The following JCAD variants were observed in gnomAD, a reference collection of about 807,000 sequenced individuals.
JCAD encodes the protein junctional cadherin 5-associated protein.
JCAD carries 40 observed loss-of-function variants against 98.0 expected under a neutral mutation model. The observed-to-expected ratio is 0.41, with a 90% CI of 0.32 to 0.53. The LOEUF is 0.53. Ranked by LOEUF, JCAD falls within the 20% of genes least tolerant of loss-of-function variation. The pLI, the probability that JCAD is intolerant of heterozygous loss-of-function variation, is 0.31. For synonymous variants in JCAD, 691 were observed against 682.3 expected (o/e 1.01, Z -0.20); for missense variants, 1,705 against 1,738.1 (o/e 0.98, Z 0.34).
At chr10:30,085,234 T>C (rs187344419) in intron 1 of JCAD, among the ~76,000 whole-genome samples, 14 of 152,272 alleles carry the variant, frequency 9.2e-5, no homozygotes, top group African/African-American at 2.9e-4. Flanking sequence ...AAGCTTCAAA[T>C]TGGGACATCA....
chr10:30,069,976 C>T (rs1270481157), intron 1 of JCAD, among the ~76,000 whole-genome samples: 1 of 152,072 alleles, frequency 6.6e-6, no homozygotes, highest in African/African-American at 2.4e-5. Context: ...CATTGGTTAG[C>T]CTCTTATGGA....
chr10:30,054,145 AG>A (rs1837522780), intron 1 of JCAD, among the ~76,000 whole-genome samples: 1 of 152,272 alleles, frequency 6.6e-6, no homozygotes, highest in Non-Finnish European at 1.5e-5. Context: ...ACAACAGCAC[AG>A]GGAAATGCTC....
intron 1 of JCAD, among the ~76,000 whole-genome samples, chr10:30,092,126 A>ATATATATATATATATATATATATATAT (rs1491284119): frequency 9.3e-6 from 1 of 107,114 alleles, no homozygotes; most frequent in African/African-American, 4.7e-5. Context: ...ATATATATAT[A>ATATATATATATATATATATATATATAT]AAAAACATTT....
At chr10:30,046,778 C>A (rs1047193257) in intron 2 of JCAD, among the ~76,000 whole-genome samples, 1 of 152,132 alleles carries the variant, frequency 6.6e-6, no homozygotes, top group Admixed American at 6.5e-5. Context: ...GCTGGAACAC[C>A]CTGAATATCA....
upstream of JCAD, among the ~76,000 whole-genome samples, chr10:30,062,267 T>C (rs894606936): frequency 6.6e-6 from 1 of 152,210 alleles, no homozygotes; most frequent in Non-Finnish European, 1.5e-5. Context: ...AATTTCAAGA[T>C]GCTTGTAGTT....
intron 1 of JCAD, among the ~76,000 whole-genome samples, chr10:30,110,895 T>G (rs761053978): frequency 1.3e-5 from 2 of 151,768 alleles, no homozygotes; most frequent in Admixed American, 6.6e-5. Context: ...CCAGCTGATG[T>G]GTGAACATCC....
intron 2 of JCAD, among the ~76,000 whole-genome samples, chr10:30,031,785 T>C (rs561804626): frequency 0.014 from 1,521 of 107,446 alleles, 15 homozygotes; most frequent in African/African-American, 0.036. Flanking sequence ...GACGGAGTCT[T>C]GCTCTGTCGC....
At chr10:30,030,577 C>T (rs1040447141) in intron 2 of JCAD, among the ~76,000 whole-genome samples, 1 of 152,144 alleles carries the variant, frequency 6.6e-6, no homozygotes, top group Non-Finnish European at 1.5e-5. Flanking sequence ...AATCTGGGAA[C>T]CTGCTTTTAA....
rs1837383382 is a variant in JCAD, at chr10:30,047,778, C to A, written c.35G>T (p.Gly12Val). ...YSVEDLLISHGYKLSRDPPAS... is the reference protein window; with the variant it reads ...YSVEDLLISHVYKLSRDPPAS... Reference sequence around the variant, plus strand: ...TGGGGGGTCTCTTGACAGCTTGTATCCATGAGAGATCAGGAGGTCTTCTAC... The same window carrying A: ...TGGGGGGTCTCTTGACAGCTTGTATACATGAGAGATCAGGAGGTCTTCTAC... The change falls in exon 2 of 4, where the codon GGA becomes GTA. Residue 12 changes from glycine (G) to valine (V), a missense_variant. Around this residue, in one of 3 missense-constraint regions of JCAD, gnomAD observed 152 missense variants for 148.0 expected, o/e 1.03. Transcript: ENST00000375377. 1 of 1,613,820 alleles carries A rather than the reference C, an allele frequency of 6.2e-7. No individual in the cohort carries two copies. Among genetic ancestry groups the A allele is most frequent in the Admixed American group, 1.7e-5 (1 of 59,970 alleles).
chr10:30,032,602 G>C (rs1837025373), intron 2 of JCAD, among the ~76,000 whole-genome samples: 1 of 152,150 alleles, frequency 6.6e-6, no homozygotes, highest in East Asian at 1.9e-4. Flanking sequence ...TACAGTAATG[G>C]ATTCATTGTT....
rs1212611479 is a variant in JCAD at position 30,027,290 on chromosome 10, C to T, written c.2858G>A (p.Ser953Asn). Reference sequence around the variant, plus strand: ...AACCTCCAGGTGTCTCTTCTCTGCACTCGTGCTTCCATCTGCTGAGCAGAA... The same window carrying T: ...AACCTCCAGGTGTCTCTTCTCTGCATTCGTGCTTCCATCTGCTGAGCAGAA... ...APFCSADGST[S>N]AEKRHLEVSN... Residue 953 changes from serine to asparagine, a missense_variant, in exon 3 of 4, where the codon AGT becomes AAT. Coordinates refer to ENST00000375377, the MANE Select transcript of JCAD (RefSeq NM_020848.4). 1.2e-6 allele frequency: 2 copies of T among 1,614,200 alleles called. No homozygotes were observed. Among genetic ancestry groups the T allele is most frequent in the Non-Finnish European group, 1.7e-6 (2 of 1,180,054 alleles).
chr10:30,074,795 G>T (rs966509029), intron 1 of JCAD, among the ~76,000 whole-genome samples: 9 of 148,274 alleles, frequency 6.1e-5, no homozygotes, highest in African/African-American at 1.7e-4. Context: ...CTACTGTTTT[G>T]TTTTTTTTTT....
chr10:30,076,890 C>T (rs117631066), intron 1 of JCAD, among the ~76,000 whole-genome samples: 3,377 of 152,182 alleles, frequency 0.022, 44 homozygotes, highest in South Asian at 0.04. Flanking sequence ...AGGGCCGAAT[C>T]GCTCAGGCCC....
intron 3 of JCAD, among the ~76,000 whole-genome samples, chr10:30,025,148 AG>A (rs1836762127): frequency 6.6e-6 from 1 of 152,098 alleles, no homozygotes; most frequent in Non-Finnish European, 1.5e-5. Flanking sequence ...GGAAGAGGGA[AG>A]GGCCCAGCTC....
At chr10:30,060,110 T>TACAC (rs3074761), upstream of JCAD, among the ~76,000 whole-genome samples, 361 of 150,080 alleles carry the variant, frequency 2.4e-3, 3 homozygotes, top group South Asian at 8.9e-3. Context: ...AGTATGGCTA[T>TACAC]ACACACACAC....
chr10:30,082,893 G>C (rs1457185621), intron 1 of JCAD, among the ~76,000 whole-genome samples: 2 of 150,480 alleles, frequency 1.3e-5, no homozygotes, highest in African/African-American at 4.9e-5. Flanking sequence ...AATTAGCTGG[G>C]TGTGGTGGCA....
chr10:30,101,987 G>T (rs1469466245), intron 1 of JCAD, among the ~76,000 whole-genome samples: 1 of 152,080 alleles, frequency 6.6e-6, no homozygotes. Context: ...TGTGGTCTTT[G>T]CCTGGGAAAT....
Position 30,026,907 on chromosome 10 carries a change from A to T in JCAD, c.3241T>A (p.Ser1081Thr). The change falls in exon 3 of 4, where the codon TCC (serine) becomes ACC (threonine). Residue 1081 changes from serine to threonine, a missense_variant. By Grantham distance (58) the Ser-to-Thr change is moderately conservative. Around this residue, in one of 3 missense-constraint regions of JCAD, gnomAD observed 1,278 missense variants for 1,243.1 expected, o/e 1.03. Transcript: ENST00000375377. ...ASTIEIPPGE[S>T]LQARAARILG... The stretch of plus-strand genomic sequence containing the variant: ...ATCCTTGCAGCCCTGGCTTGCAAGG[A>T]CTCACCTGGGGGGATTTCTATTGTG... 6.2e-7 allele frequency: 1 copy of T among 1,613,654 alleles called. No homozygotes were observed. The highest frequency in any genetic ancestry group is 8.5e-7 in the Non-Finnish European group (1 of 1,179,870).
At chr10:30,030,138 T>G (rs1430283032) in intron 2 of JCAD, among the ~76,000 whole-genome samples, 2 of 152,184 alleles carry the variant, frequency 1.3e-5, no homozygotes, top group African/African-American at 2.4e-5. Flanking sequence ...AAGGTCCTTA[T>G]AAACATTAAA....
Sources: gnomAD v4.1 joint callset for allele counts (sites outside exome capture counted in the v4.1 genomes callset) on GRCh38, gnomAD v4.1.1 for gene constraint, gnomAD v4.1.1 regional missense constraint, MANE v1.5 for transcripts, NCBI Gene and HGNC (gene_info 2026-07-23, HGNC 2026-07-21) for gene names.